PTPRN2: variants seen among roughly 807,000 people sequenced by gnomAD.
The protein encoded by PTPRN2 is receptor-type tyrosine-protein phosphatase N2.
PTPRN2 carries 74 observed loss-of-function variants against 118.8 expected under a neutral mutation model. That is an observed-to-expected ratio of 0.62 (90% confidence interval 0.52 to 0.76). The LOEUF (loss-of-function observed/expected upper bound fraction) is 0.76, where lower values mean the gene tolerates loss of function less well. Ranked by LOEUF, PTPRN2 falls within the 30% of genes least tolerant of loss-of-function variation. The pLI is 0.00. For synonymous variants in PTPRN2, 641 were observed against 608.0 expected (o/e 1.05, Z -0.80); for missense variants, 1,481 against 1,394.4 (o/e 1.06, Z -0.99).
chr7:157,951,664 G>A (rs987702684), intron 11 of PTPRN2, among the ~76,000 whole-genome samples: 5 of 152,334 alleles, frequency 3.3e-5, no homozygotes, highest in Admixed American at 1.3e-4. Context: ...ACGTCCCTCC[G>A]CTTCCGCAGT....
chr7:157,979,202 A>G (rs1026574106), intron 11 of PTPRN2, among the ~76,000 whole-genome samples: 4 of 152,066 alleles, frequency 2.6e-5, no homozygotes, highest in African/African-American at 7.2e-5. Context: ...TGTCTGCTGA[A>G]TGGATAGAAA....
intron 1 of PTPRN2, among the ~76,000 whole-genome samples, chr7:158,566,046 A>C (rs1339640302): frequency 6.6e-6 from 1 of 152,292 alleles, no homozygotes; most frequent in Admixed American, 6.5e-5. Flanking sequence ...CTTTTTATCC[A>C]CTGACATCAG....
chr7:158,472,992 T>C (rs1819976611), intron 2 of PTPRN2, among the ~76,000 whole-genome samples: 2 of 46,716 alleles, frequency 4.3e-5, no homozygotes, highest in Admixed American at 5.8e-4. Context: ...GGCCTGAAAT[T>C]AGTTATGGGT....
intron 15 of PTPRN2, among the ~76,000 whole-genome samples, chr7:157,604,347 A>G (rs1041835456): frequency 1.3e-5 from 2 of 152,108 alleles, no homozygotes; most frequent in African/African-American, 4.8e-5. Flanking sequence ...TCCTGCTCCC[A>G]TCCTCCCCTC....
At chr7:157,540,912 A>G in intron 22 of PTPRN2, 127 bp from the exon 23 acceptor site, 1 of 705,994 alleles carries the variant, frequency 1.4e-6, no homozygotes, top group Non-Finnish European at 2.4e-6. Flanking sequence ...TCCCCGGGCC[A>G]TTTCGCAGAA....
intron 11 of PTPRN2, among the ~76,000 whole-genome samples, chr7:157,909,678 T>C (rs2128760076): frequency 6.6e-6 from 1 of 152,368 alleles, no homozygotes; most frequent in African/African-American, 2.4e-5. Flanking sequence ...CCTCCTGTTC[T>C]CACCCAACAT....
chr7:158,327,142 T>G (rs928557879), intron 2 of PTPRN2, among the ~76,000 whole-genome samples: 2 of 17,606 alleles, frequency 1.1e-4, no homozygotes, highest in Non-Finnish European at 4.0e-4. Flanking sequence ...CACACTCATA[T>G]CCACACACGT....
chr7:158,270,718 C>G (rs1268861797), intron 3 of PTPRN2, among the ~76,000 whole-genome samples: 1 of 151,690 alleles, frequency 6.6e-6, no homozygotes, highest in African/African-American at 2.4e-5. Flanking sequence ...GGCTGCCCCT[C>G]TCCCTGGGGT....
intron 17 of PTPRN2, among the ~76,000 whole-genome samples, chr7:157,584,896 A>T (rs570959120): frequency 6.6e-6 from 1 of 152,182 alleles, no homozygotes; most frequent in African/African-American, 2.4e-5. Context: ...CTAAGAAATG[A>T]AGCTTCAGGC....
intron 11 of PTPRN2, among the ~76,000 whole-genome samples, chr7:158,079,543 TC>T (rs1812634585): frequency 6.6e-6 from 1 of 152,236 alleles, no homozygotes; most frequent in Non-Finnish European, 1.5e-5. Flanking sequence ...AGATTGCCAT[TC>T]CTAGCATCCT....
intron 2 of PTPRN2, among the ~76,000 whole-genome samples, chr7:158,342,766 C>T (rs1312718715): frequency 6.6e-6 from 1 of 152,126 alleles, no homozygotes; most frequent in Non-Finnish European, 1.5e-5. Context: ...TGGGCAGCGG[C>T]AGGAAAGTCT....
chr7:157,552,949 GC>G (rs1350214052), intron 21 of PTPRN2, among the ~76,000 whole-genome samples: 1 of 152,220 alleles, frequency 6.6e-6, no homozygotes, highest in Non-Finnish European at 1.5e-5. Context: ...TGATGCTCAG[GC>G]AACCTCACAG....
chr7:158,124,018 T>C (rs1196412233), intron 9 of PTPRN2, among the ~76,000 whole-genome samples: 2 of 152,228 alleles, frequency 1.3e-5, no homozygotes, highest in Admixed American at 1.3e-4. Flanking sequence ...GCTGGTTCTC[T>C]AATCTGATTC....
In PTPRN2 at chr7:157,562,944, C is replaced by A. The variant is rs186254479; in HGVS notation, c.2902+5958G>T. Among the ~76,000 whole-genome samples, 83 of 126,058 alleles carry A rather than the reference C, an allele frequency of 6.6e-4. 10 individuals carry two copies. Among genetic ancestry groups the A allele is most frequent in the African/African-American group, 2.2e-3 (70 of 32,096 alleles). The allele number at this position is 126,058 out of a possible 152,430, so 82.7% of individuals were successfully genotyped here. On this transcript the variant is annotated intron_variant, in intron 21 of 22. Coordinates refer to ENST00000389418, the MANE Select transcript of PTPRN2 (RefSeq NM_002847.5). Reference sequence around the variant, plus strand: ...ATCAGGACCACGTGCTCCCACATCACCACACAGCAGATCAGGACCACGTGC... The same window carrying A: ...ATCAGGACCACGTGCTCCCACATCAACACACAGCAGATCAGGACCACGTGC...
intron 21 of PTPRN2, among the ~76,000 whole-genome samples, chr7:157,551,925 C>A (rs1284424913): frequency 6.9e-6 from 1 of 145,806 alleles, no homozygotes; most frequent in Non-Finnish European, 1.5e-5. Flanking sequence ...ACCCCATGGG[C>A]ACCACGCACC....
intron 6 of PTPRN2, among the ~76,000 whole-genome samples, chr7:158,161,644 G>A (rs1390912502): frequency 3.3e-5 from 5 of 152,174 alleles, no homozygotes; most frequent in Non-Finnish European, 5.9e-5. Flanking sequence ...GGTAAGAGAG[G>A]AGAAACTCTG....
chr7:157,889,969 G>A (rs1382565923), intron 12 of PTPRN2, among the ~76,000 whole-genome samples: 1 of 152,150 alleles, frequency 6.6e-6, no homozygotes, highest in African/African-American at 2.4e-5. Flanking sequence ...TTACACAGCT[G>A]CCTTTAAGTT....
Position 157,674,264 on chromosome 7 carries a change from C to G in PTPRN2, c.2001+8461G>C, listed in dbSNP as rs113629540. ...GCCTGGGAGAGAAGAGACAGCCAGG[C>G]GGCGAGGGACTTGTCCTGTGGAGGC... On this transcript the variant is annotated intron_variant, in intron 13 of 22. Transcript: ENST00000389418. This position sits in a 1 kb window ranked among gnomAD's most constrained non-coding sequence, Gnocchi z 4.5. 1.3e-5 allele frequency among the ~76,000 whole-genome samples: 2 copies of G among 152,088 alleles called. No homozygotes were observed. The highest frequency in any genetic ancestry group is 2.4e-5 in the African/African-American group (1 of 41,412).
At chr7:157,835,362 CTG>C (rs1160743563) in intron 12 of PTPRN2, among the ~76,000 whole-genome samples, 19 of 152,312 alleles carry the variant, frequency 1.2e-4, no homozygotes, top group Middle Eastern at 3.4e-3. Flanking sequence ...TGAGAAATAA[CTG>C]TGAGGAAATT....
Sources: gnomAD v4.1 joint callset for allele counts (sites outside exome capture counted in the v4.1 genomes callset) on GRCh38, gnomAD v4.1.1 for gene constraint, Gnocchi (gnomAD v3.1) non-coding constraint, MANE v1.5 for transcripts, NCBI Gene and HGNC (gene_info 2026-07-23, HGNC 2026-07-21) for gene names.